GOLGA2: variants seen among roughly 807,000 people sequenced by gnomAD.
GOLGA2 encodes golgin A2, also known as golgin subfamily A member 2.
In GOLGA2, 49 loss-of-function variants were observed where a neutral mutation model predicts 148.8. The ratio of observed to expected loss-of-function variants is 0.33; its 90% CI spans 0.26 to 0.42. The LOEUF (loss-of-function observed/expected upper bound fraction) is 0.42, where lower values mean the gene tolerates loss of function less well. Ranked by LOEUF, GOLGA2 falls within the 10% of genes least tolerant of loss-of-function variation. The probability of loss-of-function intolerance (pLI) is 1.00; values close to 1 mark genes in which losing one functional copy is unlikely to be tolerated. For missense variants in GOLGA2, 1,178 were observed against 1,304.6 expected (o/e 0.90, Z 1.49); for synonymous variants, 501 against 511.8 (o/e 0.98, Z 0.28).
rs1830112504 is a variant in GOLGA2, at chr9:128,259,385, G to T, written c.1879C>A (p.Leu627Met). ...AGACTTTGAGCCTCTTGGCTCTTCA[G>T]CTCCACCTGTAGGAAGACCCTGGGC... ...KLSELKETVE[L>M]KSQEAQSLQQ... Residue 627 changes from leucine (L) to methionine (M), a missense_variant, in exon 20 of 27, where the codon CTG (leucine) becomes ATG (methionine). Leu to Met is a conservative substitution (Grantham distance 15). Transcript: ENST00000611957. The T allele has an allele frequency of 1.9e-6, 3 of 1,577,664 alleles. No homozygotes were observed. Among genetic ancestry groups the T allele is most frequent in the African/African-American group, 2.7e-5 (2 of 74,126 alleles).
chr9:128,264,698 G>A (rs1830490940), intron 12 of GOLGA2, among the ~76,000 whole-genome samples: 1 of 151,934 alleles, frequency 6.6e-6, no homozygotes, highest in African/African-American at 2.4e-5. Flanking sequence ...AAAGTGCTGG[G>A]ATTACAGGCA....
intron 1 of GOLGA2, 82 bp from the exon 2 acceptor site, chr9:128,274,054 C>G: frequency 1.5e-6 from 2 of 1,313,430 alleles, no homozygotes; most frequent in East Asian, 2.3e-5. Context: ...TTCCAAAATA[C>G]TCTTATATAC....
In GOLGA2 at chr9:128,257,714, G is replaced by A. The variant is rs1184557690; in HGVS notation, c.2612-7C>T. Reference sequence around the variant, plus strand: ...TACAGTGCAATGTACTCTCCTGCGGGAGGACAGGGCTCAGATGCTGGGTTC... The same window carrying A: ...TACAGTGCAATGTACTCTCCTGCGGAAGGACAGGGCTCAGATGCTGGGTTC... On this transcript the variant is annotated splice_region_variant and splice_polypyrimidine_tract_variant and intron_variant, in intron 24 of 26. Coordinates refer to ENST00000611957, the MANE Select transcript of GOLGA2 (RefSeq NM_001366244.2). This position sits in a 1 kb window ranked among gnomAD's most constrained non-coding sequence, Gnocchi z 8.0. The A allele has an allele frequency of 3.1e-6, 5 of 1,613,262 alleles. No homozygotes were observed. The highest frequency in any genetic ancestry group is 4.5e-5 in the East Asian group (2 of 44,874).
At chr9:128,264,766 G>A (rs1346901763) in intron 12 of GOLGA2, among the ~76,000 whole-genome samples, 1 of 152,160 alleles carries the variant, frequency 6.6e-6, no homozygotes, top group Non-Finnish European at 1.5e-5. Context: ...GGCCCAGAGA[G>A]ATCAGATAAT....
Position 128,266,976 on chromosome 9 carries a change from G to T in GOLGA2, c.642+218C>A, listed in dbSNP as rs1588487352. On this transcript the variant is annotated intron_variant, in intron 8 of 26. Coordinates refer to ENST00000611957, the MANE Select transcript of GOLGA2 (RefSeq NM_001366244.2). The surrounding 1 kb of genome is among the most constrained non-coding windows in gnomAD (Gnocchi z 4.2). ...GCGTGTGTGGCAAGGACTCGAGCAGGGGTGTCTAGAGAAGAGAGAGTAGGC... is the reference window on the plus strand; with the variant it reads ...GCGTGTGTGGCAAGGACTCGAGCAGTGGTGTCTAGAGAAGAGAGAGTAGGC... 1.6e-6 allele frequency: 1 copy of T among 614,080 alleles called. No individual in the cohort carries two copies. Among genetic ancestry groups the T allele is most frequent in the South Asian group, 2.0e-5 (1 of 50,558 alleles). The allele number at this position is 614,080 out of a possible 1,614,324, so 38.0% of individuals were successfully genotyped here. A position where few individuals can be genotyped will look rare whatever the true frequency, so the allele number is the denominator to read the frequency against.
chr9:128,266,736 A>C lies in GOLGA2; in HGVS notation c.643-411T>G. ...AGACAGACAGGAGCCCTTGGCCCTG[A>C]GGTTTACATTCTAATGGGCCTTTAA... is the stretch of plus-strand genomic sequence containing the variant. On this transcript the variant is annotated intron_variant, in intron 8 of 26. Transcript: ENST00000611957. This position sits in a 1 kb window ranked among gnomAD's most constrained non-coding sequence, Gnocchi z 4.2. 1 of 351,430 alleles carries C rather than the reference A, an allele frequency of 2.8e-6. No homozygotes were observed. The highest frequency in any genetic ancestry group is 5.2e-6 in the Non-Finnish European group (1 of 192,168). 21.8% of individuals were successfully genotyped at this position (351,430 alleles called of 1,614,324 possible).
At position 128,258,352 on chromosome 9, in the gene GOLGA2, G is replaced by GTCAC; in HGVS notation, c.2289+102_2289+103insGTGA. On this transcript the variant is annotated intron_variant, in intron 22 of 26. Transcript: ENST00000611957. The surrounding 1 kb of genome is among the most constrained non-coding windows in gnomAD (Gnocchi z 6.6). Reference sequence around the variant, plus strand: ...CCACTGGCTCCCAGGAAAGGGGTGAGGGTCCGAAGAAATCAGAAGGCCGGG... The same window carrying GTCAC: ...CCACTGGCTCCCAGGAAAGGGGTGAGTCACGGTCCGAAGAAATCAGAAGGCCGGG... 8.3e-7 allele frequency: 1 copy of GTCAC among 1,212,068 alleles called. No homozygotes were observed. Among genetic ancestry groups the GTCAC allele is most frequent in the Non-Finnish European group, 1.2e-6 (1 of 828,616 alleles). The allele number at this position is 1,212,068 out of a possible 1,614,324, so 75.1% of individuals were successfully genotyped here. A position where few individuals can be genotyped will look rare whatever the true frequency, so the allele number is the denominator to read the frequency against.
At position 128,257,419 on chromosome 9, in the gene GOLGA2, G is replaced by A. The variant is rs181762858; in HGVS notation, c.2825C>T (p.Thr942Ile). 1,362 of 1,613,004 alleles carry A rather than the reference G, an allele frequency of 8.4e-4. 24 individuals are homozygous for A. In the East Asian group the frequency reaches 0.024, roughly 28 times the overall value. Residue 942 changes from threonine (T) to isoleucine (I), a missense_variant, in exon 26 of 27, where the codon ACT (threonine) becomes ATT (isoleucine). By Grantham distance (89) the Thr-to-Ile change is moderately conservative. Coordinates refer to ENST00000611957, the MANE Select transcript of GOLGA2 (RefSeq NM_001366244.2). This position sits in a 1 kb window ranked among gnomAD's most constrained non-coding sequence, Gnocchi z 8.0. ...TTCCTGGGGGGCTGGGGCCCCTGAA[G>A]TGGGCTCATCAGCAGGGTTCTGGGC... ...AAAQNPADEP[T>I]SGAPAPQELG...
At position 128,260,743 on chromosome 9, in the gene GOLGA2, C is replaced by A; in HGVS notation, c.1480G>T (p.Ala494Ser). Residue 494 changes from alanine to serine, a missense_variant, in exon 18 of 27, where the codon GCG becomes TCG. By Grantham distance (99) the Ala-to-Ser change is moderately conservative. Transcript: ENST00000611957. This position sits in a 1 kb window ranked among gnomAD's most constrained non-coding sequence, Gnocchi z 4.8. Reference sequence around the variant, plus strand: ...TCCTTCCGCAGGTGCTCAGCCTCCGCTTGTAGCTGCTGCTCCACCTCGGAG... The same window carrying A: ...TCCTTCCGCAGGTGCTCAGCCTCCGATTGTAGCTGCTGCTCCACCTCGGAG... ...GPSEVEQQLQ[A>S]EAEHLRKELE... 6.2e-7 allele frequency: 1 copy of A among 1,613,080 alleles called. No homozygotes were observed. Among genetic ancestry groups the A allele is most frequent in the Non-Finnish European group, 8.5e-7 (1 of 1,179,840 alleles).
chr9:128,258,433 G>A lies in GOLGA2; in HGVS notation c.2289+22C>T. On this transcript the variant is annotated intron_variant, in intron 22 of 26. Transcript: ENST00000611957. This position sits in a 1 kb window ranked among gnomAD's most constrained non-coding sequence, Gnocchi z 6.6. ...ACCACAGAGGGAGGCAGCAAAGGTT[G>A]GGGAGGGGGAGTCAGCCTCACCATG... 6.3e-7 allele frequency: 1 copy of A among 1,592,518 alleles called. No individual in the cohort carries two copies. Among genetic ancestry groups the A allele is most frequent in the Non-Finnish European group, 8.6e-7 (1 of 1,161,052 alleles).
chr9:128,266,143 G>A lies in GOLGA2; in HGVS notation c.682-123C>T. The A allele has an allele frequency of 1.5e-6, 2 of 1,365,438 alleles. No homozygotes were observed. Among genetic ancestry groups the A allele is most frequent in the Non-Finnish European group, 2.1e-6 (2 of 953,974 alleles). 84.6% of individuals were successfully genotyped at this position (1,365,438 alleles called of 1,614,324 possible). ...CCACCCATGGGACCAGGTTATCAGG[G>A]ACCCTGTGGGGATGGGGTGGAATCT... On this transcript the variant is annotated intron_variant, in intron 9 of 26. Coordinates refer to ENST00000611957, the MANE Select transcript of GOLGA2 (RefSeq NM_001366244.2). The surrounding 1 kb of genome is among the most constrained non-coding windows in gnomAD (Gnocchi z 4.2).
At position 128,273,947 on chromosome 9, in the gene GOLGA2, C is replaced by A. The variant is rs773748353; in HGVS notation, c.110G>T (p.Ser37Ile). 2 of 1,612,516 alleles carry A rather than the reference C, an allele frequency of 1.2e-6. No homozygotes were observed. The highest frequency in any genetic ancestry group is 1.7e-6 in the Non-Finnish European group (2 of 1,178,568). Residue 37 changes from serine (S) to isoleucine (I), a missense_variant, in exon 2 of 27, where the codon AGC becomes ATC. Physicochemically the swap from Ser to Ile is moderately radical, Grantham distance 142. This residue lies in a region of GOLGA2 where 158 missense variants were observed against 156.6 expected (regional missense o/e 1.01). Transcript: ENST00000611957. ...KKLREYQQRN[S>I]PGVPTGAKKK... ...TTTCGCTCCTGTAGGAACACCAGGGCTATTCCTCTGCTGATATTCTCTCAA... is the reference window on the plus strand; with the variant it reads ...TTTCGCTCCTGTAGGAACACCAGGGATATTCCTCTGCTGATATTCTCTCAA...
At chr9:128,262,779 T>C in intron 13 of GOLGA2, 75 bp from the exon 14 acceptor site, 1 of 1,387,550 alleles carries the variant, frequency 7.2e-7, no homozygotes, top group South Asian at 1.2e-5. Flanking sequence ...CCCTCTACCC[T>C]TGCCCCACAA....
chr9:128,261,558 T>C lies in GOLGA2; in HGVS notation c.1228A>G (p.Met410Val), dbSNP rs776546227. ...ATTTGTAGTTGTCTAACCGACTCCA[T>C]TACCTGCAAGAATGGCCACAGAAAT... ...AQLEAHLGQVMESVRQLQMER... is the reference protein window; with the variant it reads ...AQLEAHLGQVVESVRQLQMER... Residue 410 changes from methionine (M) to valine (V), a missense_variant, in exon 16 of 27, where the codon ATG becomes GTG. By Grantham distance (21) the Met-to-Val change is conservative. Coordinates refer to ENST00000611957, the MANE Select transcript of GOLGA2 (RefSeq NM_001366244.2). The surrounding 1 kb of genome is among the most constrained non-coding windows in gnomAD (Gnocchi z 5.7). The C allele has an allele frequency of 6.3e-6, 10 of 1,591,454 alleles. No homozygotes were observed. Among genetic ancestry groups the C allele is most frequent in the Non-Finnish European group, 8.6e-6 (10 of 1,159,374 alleles).
intron 3 of GOLGA2, among the ~76,000 whole-genome samples, chr9:128,269,014 T>C (rs1042538527): frequency 6.6e-6 from 1 of 152,312 alleles, no homozygotes; most frequent in Admixed American, 6.5e-5. Flanking sequence ...CCTTCTCCCC[T>C]GCAGTGGCAC....
intron 3 of GOLGA2, among the ~76,000 whole-genome samples, chr9:128,270,709 C>T (rs372295292): frequency 1.3e-5 from 2 of 151,644 alleles, no homozygotes; most frequent in Non-Finnish European, 2.9e-5. Flanking sequence ...TAAAAAAAAA[C>T]AAAACCTACA....
intron 12 of GOLGA2, among the ~76,000 whole-genome samples, chr9:128,263,800 G>A (rs910176329): frequency 2.0e-5 from 3 of 151,948 alleles, no homozygotes; most frequent in Admixed American, 6.6e-5. Context: ...TGATCCGCCC[G>A]CCTCAACTTC....
intron 3 of GOLGA2, among the ~76,000 whole-genome samples, chr9:128,270,328 C>G (rs1830861319): frequency 6.6e-6 from 1 of 151,952 alleles, no homozygotes; most frequent in Non-Finnish European, 1.5e-5. Context: ...GATGGGGTTT[C>G]ACCATGTTGG....
At position 128,270,233 on chromosome 9, in the gene GOLGA2, G is replaced by A. The variant is rs567112956; in HGVS notation, c.289-1709C>T. Among the ~76,000 whole-genome samples, 351 of 147,600 alleles carry A rather than the reference G, an allele frequency of 2.4e-3. 2 individuals are homozygous for A. Among genetic ancestry groups the A allele is most frequent in the Non-Finnish European group, 4.0e-3 (273 of 67,636 alleles). ...ACTGCAACCTCCGCCTCCTGAGTTC[G>A]AGATTCTCCTGCTTCAGCCTCCCAA... On this transcript the variant is annotated intron_variant, in intron 3 of 26. Coordinates refer to ENST00000611957, the MANE Select transcript of GOLGA2 (RefSeq NM_001366244.2).
Sources: gnomAD v4.1 joint callset for allele counts (sites outside exome capture counted in the v4.1 genomes callset) on GRCh38, gnomAD v4.1.1 for gene constraint, gnomAD v4.1.1 regional missense constraint, Gnocchi (gnomAD v3.1) non-coding constraint, MANE v1.5 for transcripts, NCBI Gene and HGNC (gene_info 2026-07-23, HGNC 2026-07-21) for gene names.